The following ADGRV1 variants were observed in gnomAD, a reference collection of about 807,000 sequenced individuals.
The protein encoded by ADGRV1 is adhesion G protein-coupled receptor V1, also known as G-protein coupled receptor 98.
Under a neutral mutation model 596.2 loss-of-function variants are expected in ADGRV1, and 359 were observed. The observed-to-expected ratio is 0.60, with a 90% CI of 0.55 to 0.66. The LOEUF (loss-of-function observed/expected upper bound fraction) is 0.66. ADGRV1 is among the 30% of genes least tolerant of loss of function. The pLI is 0.00. For synonymous variants in ADGRV1, 2,681 were observed against 2,679.2 expected (o/e 1.00, Z -0.02); for missense variants, 7,274 against 7,575.6 (o/e 0.96, Z 1.48).
chr5:91,138,220 A>G (rs1188386398), intron 87 of ADGRV1, among the ~76,000 whole-genome samples: 1 of 150,872 alleles, frequency 6.6e-6, no homozygotes, highest in African/African-American at 2.4e-5. Flanking sequence ...ATCTCGTTAC[A>G]TAATTAATGG....
chr5:90,890,240 T>G (rs1218517849), intron 83 of ADGRV1, among the ~76,000 whole-genome samples: 1 of 152,196 alleles, frequency 6.6e-6, no homozygotes, highest in Non-Finnish European at 1.5e-5. Flanking sequence ...GTTTCTGAAA[T>G]GTACACTAGC....
chr5:91,008,813 C>T (rs1215821503), intron 85 of ADGRV1, among the ~76,000 whole-genome samples: 1 of 152,122 alleles, frequency 6.6e-6, no homozygotes, highest in Non-Finnish European at 1.5e-5. Flanking sequence ...TATAATTTTA[C>T]ATAATGGTTG....
chr5:91,046,618 A>T (rs1254387439), intron 85 of ADGRV1, among the ~76,000 whole-genome samples: 1 of 152,236 alleles, frequency 6.6e-6, no homozygotes, highest in East Asian at 1.9e-4. Flanking sequence ...CAAGGATTTC[A>T]TGACCAAGAA....
rs755988055 is a variant in ADGRV1 at position 90,840,792 on chromosome 5, A to T, written c.16826A>T (p.Asp5609Val). ...GACCCAAAAGGTGGTGCCAGAATTG[A>T]TAAAGTGTATGGGACTGCCAACATC... ...LFDPKGGARI[D>V]KVYGTANITL... The change falls in exon 78 of 90, where the codon GAT becomes GTT. Residue 5609 changes from aspartate (D) to valine (V), a missense_variant. By Grantham distance (152) the Asp-to-Val change is radical (BLOSUM62 -3). This residue lies in a region of ADGRV1 where 1,874 missense variants were observed against 1,970.2 expected (regional missense o/e 0.95). Coordinates refer to ENST00000405460, the MANE Select transcript of ADGRV1 (RefSeq NM_032119.4). 1.4e-5 allele frequency: 23 copies of T among 1,613,840 alleles called. No homozygotes were observed. The highest frequency in any genetic ancestry group is 1.9e-5 in the Non-Finnish European group (22 of 1,179,886).
chr5:90,885,578 C>CAACCCTAGGTGA (rs1239200765), intron 83 of ADGRV1, among the ~76,000 whole-genome samples: 2 of 152,116 alleles, frequency 1.3e-5, no homozygotes, highest in Non-Finnish European at 2.9e-5. Context: ...GGTTATTACA[C>CAACCCTAGGTGA]AACCCTAGGT....
rs1427132331 is a variant in ADGRV1, at chr5:90,967,485, G to C, written c.17973+1954G>C. ...ATTTTCTGATTGCAAAATTCTGTAAGAGTTTATCTGAGTTAAACTTTTTTA... is the reference window on the plus strand; with the variant it reads ...ATTTTCTGATTGCAAAATTCTGTAACAGTTTATCTGAGTTAAACTTTTTTA... On this transcript the variant is annotated intron_variant, in intron 84 of 89. Coordinates refer to ENST00000405460, the MANE Select transcript of ADGRV1 (RefSeq NM_032119.4). Among the ~76,000 whole-genome samples, 6 of 152,126 alleles carry C rather than the reference G, an allele frequency of 3.9e-5. No individual in the cohort carries two copies. In the South Asian group the frequency reaches 1.0e-3, roughly 26 times the overall value.
intron 87 of ADGRV1, among the ~76,000 whole-genome samples, chr5:91,136,158 T>C (rs934015027): frequency 2.0e-5 from 3 of 152,122 alleles, no homozygotes; most frequent in African/African-American, 7.2e-5. Flanking sequence ...AGAGGTCTTA[T>C]TAGCCAAATT....
intron 23 of ADGRV1, 120 bp from the exon 24 acceptor site, chr5:90,675,123 A>G: frequency 1.5e-6 from 1 of 676,412 alleles, no homozygotes; most frequent in East Asian, 2.7e-5. Flanking sequence ...TATTTTCTAA[A>G]TAAAGTCCCT....
chr5:90,751,684 C>G (rs1195438334), intron 53 of ADGRV1, among the ~76,000 whole-genome samples: 5 of 152,150 alleles, frequency 3.3e-5, no homozygotes, highest in African/African-American at 1.2e-4. Context: ...GGCCCAAATG[C>G]TTCTCTGAAG....
At position 91,098,721 on chromosome 5, in the gene ADGRV1, C is replaced by T. The variant is rs766046981; in HGVS notation, c.18311-3498C>T. On this transcript the variant is annotated intron_variant, in intron 86 of 89. Coordinates refer to ENST00000405460, the MANE Select transcript of ADGRV1 (RefSeq NM_032119.4). ...TAAGCCATGGACATTCTCATGAGCC[C>T]CAGTATGCTCCCTTAGCTTCTCCAC... Among the ~76,000 whole-genome samples the T allele has an allele frequency of 4.0e-5, 6 of 150,952 alleles. No homozygotes were observed. In the East Asian group the frequency reaches 1.2e-3, roughly 29 times the overall value.
intron 83 of ADGRV1, among the ~76,000 whole-genome samples, chr5:90,885,197 C>G (rs1770162514): frequency 1.3e-5 from 2 of 152,306 alleles, no homozygotes; most frequent in Admixed American, 6.5e-5. Context: ...TTTCACAAGA[C>G]AGACTCATAG....
Position 90,730,944 on chromosome 5 carries a change from T to C in ADGRV1, c.10549+1180T>C, listed in dbSNP as rs1392805441. On this transcript the variant is annotated intron_variant, in intron 50 of 89. Transcript: ENST00000405460. ...GAATTAAATGGCACACAGTTATTAA[T>C]TTGATATTATATGTAAGTCAATGTT... is the stretch of plus-strand genomic sequence containing the variant. Among the ~76,000 whole-genome samples, 3 of 152,164 alleles carry C rather than the reference T, an allele frequency of 2.0e-5. No homozygotes were observed. In the East Asian group the frequency reaches 5.8e-4, roughly 29 times the overall value.
At chr5:90,931,925 T>C (rs1775285612) in intron 83 of ADGRV1, among the ~76,000 whole-genome samples, 1 of 152,168 alleles carries the variant, frequency 6.6e-6, no homozygotes. Flanking sequence ...ATAAAATGAA[T>C]GGTCCATAAG....
intron 85 of ADGRV1, among the ~76,000 whole-genome samples, chr5:91,009,995 CA>C (rs199528471): frequency 3.8e-4 from 55 of 145,752 alleles, no homozygotes; most frequent in Middle Eastern, 3.4e-3. Context: ...CATTACAGAG[CA>C]AAAAAAAAAA....
At chr5:90,679,662 T>C (rs761063800) in intron 26 of ADGRV1, 33 bp downstream of exon 26, 3 of 1,469,232 alleles carry the variant, frequency 2.0e-6, no homozygotes, top group Non-Finnish European at 2.8e-6. Context: ...TTTACTATTA[T>C]AGGTTTTTAT....
At chr5:90,718,108 A>G (rs1750396234) in intron 43 of ADGRV1, 2 of 152,280 alleles carry the variant, frequency 1.3e-5, no homozygotes, top group Middle Eastern at 3.4e-3. Context: ...TCATCATTCC[A>G]AGGACAAACT....
intron 86 of ADGRV1, among the ~76,000 whole-genome samples, chr5:91,099,127 A>G (rs1371985227): frequency 6.6e-6 from 1 of 152,206 alleles, no homozygotes; most frequent in Non-Finnish European, 1.5e-5. Flanking sequence ...TTAGTGACAA[A>G]GAAATTATTC....
Position 90,711,253 on chromosome 5 carries a change from T to A in ADGRV1, c.8973T>A (p.His2991Gln). 1 of 1,613,166 alleles carries A rather than the reference T, an allele frequency of 6.2e-7. No homozygotes were observed. The highest frequency in any genetic ancestry group is 8.5e-7 in the Non-Finnish European group (1 of 1,179,262). ...AGAGGAGCAGAGAACCTCTTGGCCA[T>A]GTTTCCTTATTTGTGTATGCTCAGA... ...VAQRSREPLG[H>Q]VSLFVYAQNL... Residue 2991 changes from histidine to glutamine, a missense_variant, in exon 41 of 90, where the codon CAT becomes CAA. This residue lies in a region of ADGRV1 where 3,643 missense variants were observed against 3,809.2 expected (regional missense o/e 0.96). Coordinates refer to ENST00000405460, the MANE Select transcript of ADGRV1 (RefSeq NM_032119.4).
At chr5:90,835,728 C>T (rs556380918) in intron 77 of ADGRV1, among the ~76,000 whole-genome samples, 8 of 152,220 alleles carry the variant, frequency 5.3e-5, no homozygotes, top group African/African-American at 1.9e-4. Context: ...AAGAAAAGAC[C>T]CTCCAGCCCT....
Sources: allele counts gnomAD v4.1 joint callset (sites outside exome capture counted in the v4.1 genomes callset), GRCh38; gene constraint gnomAD v4.1.1; regional missense constraint gnomAD v4.1.1; transcripts MANE v1.5; gene names NCBI Gene and HGNC (gene_info 2026-07-23, HGNC 2026-07-21).